The following SPICE1 variants were observed in gnomAD, a reference collection of about 807,000 sequenced individuals.
SPICE1 encodes the protein spindle and centriole associated protein 1.
SPICE1 carries 75 observed loss-of-function variants against 102.7 expected under a neutral mutation model. That is an observed-to-expected ratio of 0.73 (90% CI 0.61 to 0.88). The LOEUF is 0.88. SPICE1 is among the 40% of genes least tolerant of loss of function. SPICE1 has a pLI of 0.00. For synonymous variants in SPICE1, 308 were observed against 350.3 expected, an observed-to-expected ratio of 0.88 and a Z score of 1.35; for missense variants, 979 against 1,020.1, an observed-to-expected ratio of 0.96 and a Z score of 0.55.
At chr3:113,446,227 G>A (rs763191053) in intron 17 of SPICE1, among the ~76,000 whole-genome samples, 67 of 152,134 alleles carry the variant, frequency 4.4e-4, no homozygotes, top group South Asian at 1.2e-3. Context: ...GGCTGTCCCA[G>A]ACCCCACCCA....
At chr3:113,452,917 G>T (rs1038474951) in intron 14 of SPICE1, among the ~76,000 whole-genome samples, 2 of 152,140 alleles carry the variant, frequency 1.3e-5, no homozygotes, top group South Asian at 4.1e-4. Context: ...GGCAGAGGTT[G>T]CAGTGAGCCG....
chr3:113,465,622 A>G (rs1316962928), intron 11 of SPICE1, 31 bp downstream of exon 11: 2 of 1,601,138 alleles, frequency 1.2e-6, no homozygotes, highest in African/African-American at 2.7e-5. Context: ...ATACCACTGA[A>G]CACATAAAAA....
At chr3:113,482,549 C>G (rs1280548616) in intron 7 of SPICE1, among the ~76,000 whole-genome samples, 2 of 152,148 alleles carry the variant, frequency 1.3e-5, no homozygotes, top group Non-Finnish European at 2.9e-5. Context: ...TCAGGTCTTA[C>G]GTTTAACTCT....
chr3:113,509,388 T>A (rs1348398447), intron 1 of SPICE1, among the ~76,000 whole-genome samples: 1 of 152,178 alleles, frequency 6.6e-6, no homozygotes. Flanking sequence ...TATGATGAAT[T>A]ATGTATCCAT....
chr3:113,493,595 A>G (rs1420032593), intron 5 of SPICE1, among the ~76,000 whole-genome samples: 2 of 152,244 alleles, frequency 1.3e-5, no homozygotes, highest in Non-Finnish European at 2.9e-5. Flanking sequence ...ATAGATTGCC[A>G]AGCCGGAATT....
intron 11 of SPICE1, among the ~76,000 whole-genome samples, chr3:113,461,104 T>A (rs1935923648): frequency 6.6e-6 from 1 of 152,006 alleles, no homozygotes. Flanking sequence ...ATGTTTCAAC[T>A]AACTCTTAAA....
At chr3:113,482,756 T>C (rs1936542422) in intron 7 of SPICE1, among the ~76,000 whole-genome samples, 1 of 152,236 alleles carries the variant, frequency 6.6e-6, no homozygotes, top group Admixed American at 6.5e-5. Context: ...TCTGTTCCAT[T>C]GGTCTACATA....
rs371295036 is a variant in SPICE1 at position 113,454,961 on chromosome 3, T to A, written c.1658-1011A>T. 2.6e-4 allele frequency among the ~76,000 whole-genome samples: 40 copies of A among 152,318 alleles called. 1 individual carries two copies. The highest frequency in any genetic ancestry group is 8.7e-4 in the African/African-American group (36 of 41,558). On this transcript the variant is annotated intron_variant, in intron 13 of 17. Transcript: ENST00000295872. ...AGGACATTTGCCCAACATCTGCCTATCCAACCTTAGACTGATGCCACCCTT... is the reference window on the plus strand; with the variant it reads ...AGGACATTTGCCCAACATCTGCCTAACCAACCTTAGACTGATGCCACCCTT...
At chr3:113,467,410 G>A (rs1936085839) in intron 10 of SPICE1, among the ~76,000 whole-genome samples, 1 of 152,148 alleles carries the variant, frequency 6.6e-6, no homozygotes, top group Non-Finnish European at 1.5e-5. Context: ...TCCTGCCTCA[G>A]CCTCCCCAGA....
chr3:113,504,471 G>A (rs536493050), intron 2 of SPICE1, among the ~76,000 whole-genome samples: 1 of 149,736 alleles, frequency 6.7e-6, no homozygotes, highest in South Asian at 2.1e-4. Context: ...TGCGCTTGTA[G>A]TCTCAGCTAC....
At position 113,514,931 on chromosome 3, in the gene SPICE1, T is replaced by A; in HGVS notation, c.-35A>T. 4.5e-6 allele frequency: 5 copies of A among 1,108,470 alleles called. No individual in the cohort carries two copies. The highest frequency in any genetic ancestry group is 5.7e-6 in the Non-Finnish European group (5 of 875,700). The allele number at this position is 1,108,470 out of a possible 1,614,324, so 68.7% of individuals were successfully genotyped here. A position where few individuals can be genotyped will look rare whatever the true frequency, so the allele number is the denominator to read the frequency against. Reference sequence around the variant, plus strand: ...CAAAACACAGAGCCGCGGCTGCGCTTCCTGAAGTAAGGATTCCCCAACCGG... The same window carrying A: ...CAAAACACAGAGCCGCGGCTGCGCTACCTGAAGTAAGGATTCCCCAACCGG... On this transcript the variant is annotated 5_prime_UTR_variant, in exon 1 of 18. Transcript: ENST00000295872.
intron 7 of SPICE1, among the ~76,000 whole-genome samples, chr3:113,486,109 T>A (rs1402305849): frequency 2.7e-5 from 4 of 149,368 alleles, no homozygotes; most frequent in Non-Finnish European, 5.9e-5. Flanking sequence ...AGACTCCATC[T>A]CAAAAAATGA....
At chr3:113,508,564 C>T (rs1395775945) in intron 1 of SPICE1, among the ~76,000 whole-genome samples, 1 of 152,134 alleles carries the variant, frequency 6.6e-6, no homozygotes, top group African/African-American at 2.4e-5. Flanking sequence ...CAAGATACCA[C>T]CTCACACCGA....
chr3:113,458,651 G>A lies in SPICE1; in HGVS notation c.1436-1294C>T, dbSNP rs558063657. The stretch of plus-strand genomic sequence containing the variant: ...GCCGCCACCCCGTCTAGGAAGTGAG[G>A]AGCGTCTCTGCCTGGCCGCCCGTCG... On this transcript the variant is annotated intron_variant, in intron 12 of 17. Coordinates refer to ENST00000295872, the MANE Select transcript of SPICE1 (RefSeq NM_144718.4). 3.9e-5 allele frequency among the ~76,000 whole-genome samples: 6 copies of A among 151,920 alleles called. No homozygotes were observed. The East Asian group carries it at 9.7e-4, about 25-fold the overall frequency.
In SPICE1 at chr3:113,446,635, G is replaced by A. The variant is rs1285269416; in HGVS notation, c.2468C>T (p.Ala823Val). The A allele has an allele frequency of 1.2e-6, 2 of 1,613,560 alleles. No individual in the cohort carries two copies. Among genetic ancestry groups the A allele is most frequent in the Admixed American group, 1.7e-5 (1 of 59,978 alleles). Reference protein sequence around the residue: ...ATGNSCSPLNATSGSGRFTPL... With the variant: ...ATGNSCSPLNVTSGSGRFTPL... ...TGTGAATCTCCCACTTCCTGAGGTG[G>A]CATTTAGTGGAGAACAAGAATTACC... Residue 823 changes from alanine (A) to valine (V), a missense_variant, in exon 17 of 18, where the codon GCC becomes GTC. Physicochemically the swap from Ala to Val is moderately conservative, Grantham distance 64. Transcript: ENST00000295872.
At position 113,453,924 on chromosome 3, in the gene SPICE1, G is replaced by T. The variant is rs201570909; in HGVS notation, c.1684C>A (p.Pro562Thr). ...ACAGTTGGAGGAAGTCGTGGAGCAG[G>T]ACGAGTTTGAACAGTCCTTCTCAAT... ...DVLRRTVQTR[P>T]APRLPPTVEI... Residue 562 changes from proline to threonine, a missense_variant, in exon 14 of 18, where the codon CCT becomes ACT. Coordinates refer to ENST00000295872, the MANE Select transcript of SPICE1 (RefSeq NM_144718.4). 1 of 1,613,570 alleles carries T rather than the reference G, an allele frequency of 6.2e-7. No individual in the cohort carries two copies. The highest frequency in any genetic ancestry group is 1.3e-5 in the African/African-American group (1 of 74,856).
In SPICE1 at chr3:113,493,285, T is replaced by C. The variant is rs1262651059; in HGVS notation, c.413A>G (p.Asp138Gly). Residue 138 changes from aspartate (D) to glycine (G), a missense_variant, in exon 6 of 18, where the codon GAT becomes GGT. Coordinates refer to ENST00000295872, the MANE Select transcript of SPICE1 (RefSeq NM_144718.4). ...TACCACAATGGGACCCTGAGAGGAATCAGGAGCCACTGTTACATTTGGAAA... is the reference window on the plus strand; with the variant it reads ...TACCACAATGGGACCCTGAGAGGAACCAGGAGCCACTGTTACATTTGGAAA... ...TGFPNVTVAP[D>G]SSQGPIVVNQ... 24 of 1,613,784 alleles carry C rather than the reference T, an allele frequency of 1.5e-5. No individual in the cohort carries two copies. The highest frequency in any genetic ancestry group is 2.0e-5 in the Non-Finnish European group (24 of 1,179,924).
At chr3:113,498,170 C>T (rs1369597696) in intron 4 of SPICE1, among the ~76,000 whole-genome samples, 1 of 152,094 alleles carries the variant, frequency 6.6e-6, no homozygotes, top group African/African-American at 2.4e-5. Context: ...GCTGCCACAC[C>T]CAGCTGTTAT....
At chr3:113,491,393 G>A (rs1354938727) in intron 6 of SPICE1, among the ~76,000 whole-genome samples, 1 of 151,906 alleles carries the variant, frequency 6.6e-6, no homozygotes, top group African/African-American at 2.4e-5. Flanking sequence ...GGCCGAGGCG[G>A]GCGGATCACA....
Sources: gnomAD v4.1 joint callset for allele counts (sites outside exome capture counted in the v4.1 genomes callset) on GRCh38, gnomAD v4.1.1 for gene constraint, MANE v1.5 for transcripts, NCBI Gene and HGNC (gene_info 2026-07-23, HGNC 2026-07-21) for gene names.